Variants in ABTB1 observed in about 807,000 individuals in gnomAD.
ABTB1 encodes the protein ankyrin repeat and BTB/POZ domain-containing protein 1.
ABTB1 carries 45 observed loss-of-function variants against 57.1 expected under a neutral mutation model. That is an observed-to-expected ratio of 0.79 (90% CI 0.62 to 1.01). The LOEUF (loss-of-function observed/expected upper bound fraction) is 1.01. ABTB1 is among the 50% of genes least tolerant of loss of function. The pLI is 0.00. For synonymous variants in ABTB1, 302 were observed against 275.4 expected, an observed-to-expected ratio of 1.10 and a Z score of -0.95; for missense variants, 630 against 666.3, an observed-to-expected ratio of 0.95 and a Z score of 0.60.
chr3:127,677,914 C>T (rs1416964161), intron 10 of ABTB1, 71 bp downstream of exon 10: 1 of 1,545,794 alleles, frequency 6.5e-7, no homozygotes, highest in East Asian at 2.3e-5. Context: ...AGCGCCAGGG[C>T]CCTGGGGGTC....
chr3:127,673,074 C>G lies in ABTB1; in HGVS notation c.49C>G (p.Arg17Gly), dbSNP rs770144146. ...FASCRKGDVG[R>G]VRYLLEQRDV... ...CAGCTGCAGGAAGGGGGATGTGGGC[C>G]GAGTGCGGTGAGGACCTCGCAGTCC... The change falls in exon 1 of 12, where the codon CGA becomes GGA. Residue 17 changes from arginine (R) to glycine (G), a missense_variant. Around this residue, in one of 3 missense-constraint regions of ABTB1, gnomAD observed 579 missense variants for 585.9 expected, o/e 0.99. Coordinates refer to ENST00000232744, the MANE Select transcript of ABTB1 (RefSeq NM_172027.3). The G allele has an allele frequency of 1.3e-6, 2 of 1,572,342 alleles. No individual in the cohort carries two copies. The highest frequency in any genetic ancestry group is 3.5e-5 in the Admixed American group (2 of 56,426).
rs760603319 is a variant in ABTB1, at chr3:127,676,049, A to G, written c.255A>G (p.Leu85=). The change falls in exon 4 of 12, where the codon CTA becomes CTG. Residue 85 remains leucine, a synonymous_variant. Coordinates refer to ENST00000232744, the MANE Select transcript of ABTB1 (RefSeq NM_172027.3). This position sits in a 1 kb window ranked among gnomAD's most constrained non-coding sequence, Gnocchi z 5.4. ...GALSDPIRRA[L]RDYKQVTASC... The stretch of plus-strand genomic sequence containing the variant: ...TGAGTGACCCCATCCGCCGGGCTCT[A>G]CGCGATTACAAGCAGGTCACGGCTT... The G allele has an allele frequency of 1.3e-5, 21 of 1,613,208 alleles. No homozygotes were observed. Among genetic ancestry groups the G allele is most frequent in the Non-Finnish European group, 1.7e-5 (20 of 1,179,982 alleles).
chr3:127,674,382 C>T lies in ABTB1; in HGVS notation c.57-9C>T. The T allele has an allele frequency of 3.7e-6, 6 of 1,605,466 alleles. No homozygotes were observed. Among genetic ancestry groups the T allele is most frequent in the Non-Finnish European group, 5.1e-6 (6 of 1,176,914 alleles). Reference sequence around the variant, plus strand: ...TCCTGACCCAGGCTCTGACCTCCTTCCTGCCCAGGTACCTGCTGGAGCAGC... The same window carrying T: ...TCCTGACCCAGGCTCTGACCTCCTTTCTGCCCAGGTACCTGCTGGAGCAGC... On this transcript the variant is annotated splice_polypyrimidine_tract_variant and intron_variant, in intron 1 of 11. Coordinates refer to ENST00000232744, the MANE Select transcript of ABTB1 (RefSeq NM_172027.3).
intron 3 of ABTB1, among the ~76,000 whole-genome samples, chr3:127,675,065 T>C (rs141527868): frequency 6.6e-6 from 1 of 152,058 alleles, no homozygotes; most frequent in Non-Finnish European, 1.5e-5. Flanking sequence ...TCGCTGGGGC[T>C]CCACTGTGCT....
At chr3:127,677,926 G>A (rs1458248429) in intron 10 of ABTB1, 83 bp downstream of exon 10, 3 of 1,511,974 alleles carry the variant, frequency 2.0e-6, no homozygotes, top group Admixed American at 1.9e-5. Context: ...CTGGGGGTCT[G>A]TGGAAGGGCC....
chr3:127,676,257 C>A lies in ABTB1; in HGVS notation c.321-15C>A. 1 of 1,610,736 alleles carries A rather than the reference C, an allele frequency of 6.2e-7. No homozygotes were observed. The highest frequency in any genetic ancestry group is 8.5e-7 in the Non-Finnish European group (1 of 1,177,734). ...CTGTGCCAAGTATCCTCCCTCCTGG[C>A]TTGTCCCTCCCCAGGCTTCTAGAGC... On this transcript the variant is annotated splice_polypyrimidine_tract_variant and intron_variant, in intron 4 of 11. Coordinates refer to ENST00000232744, the MANE Select transcript of ABTB1 (RefSeq NM_172027.3). The surrounding 1 kb of genome is among the most constrained non-coding windows in gnomAD (Gnocchi z 5.4).
rs368943016 is a variant in ABTB1 at position 127,680,264 on chromosome 3, C to G, written c.1231-5C>G. 1 of 1,613,434 alleles carries G rather than the reference C, an allele frequency of 6.2e-7. No individual in the cohort carries two copies. Among genetic ancestry groups the G allele is most frequent in the Non-Finnish European group, 8.5e-7 (1 of 1,179,834 alleles). On this transcript the variant is annotated splice_region_variant and splice_polypyrimidine_tract_variant and intron_variant, in intron 11 of 11. Transcript: ENST00000232744. ...CTCCACTGAGCTGGCCCTTCCCGCT[C>G]ATAGCTGGTGGAGCGGGAGGACTTC...
At chr3:127,675,755 A>G in intron 3 of ABTB1, 1 of 609,932 alleles carries the variant, frequency 1.6e-6, no homozygotes, top group Non-Finnish European at 2.9e-6. Context: ...CTTCCGTGTG[A>G]GTGAGTATGT....
rs1489935708 is a variant in ABTB1, at chr3:127,673,100, CG to C, written c.56+23del. 3.9e-6 allele frequency: 6 copies of C among 1,538,230 alleles called. No homozygotes were observed. The highest frequency in any genetic ancestry group is 2.7e-5 in the East Asian group (1 of 37,448). ...GAGTGCGGTGAGGACCTCGCAGTCCCGGGGAGGGTGCGGGAGGTGGCCGCCC... is the reference window on the plus strand; with the variant it reads ...GAGTGCGGTGAGGACCTCGCAGTCCCGGGAGGGTGCGGGAGGTGGCCGCCC... On this transcript the variant is annotated intron_variant, in intron 1 of 11. Transcript: ENST00000232744.
rs748927055 is a variant in ABTB1 at position 127,672,997 on chromosome 3, C to T, written c.-29C>T. The T allele has an allele frequency of 6.5e-6, 10 of 1,543,036 alleles. No homozygotes were observed. The highest frequency in any genetic ancestry group is 4.7e-5 in the South Asian group (4 of 84,484). On this transcript the variant is annotated 5_prime_UTR_variant, in exon 1 of 12. Transcript: ENST00000232744. ...GGTGCGCGGCTTCGCCGCCCGAGGTCGTTCGGCTCGGGTACCATCCTCCGC... is the reference window on the plus strand; with the variant it reads ...GGTGCGCGGCTTCGCCGCCCGAGGTTGTTCGGCTCGGGTACCATCCTCCGC...
chr3:127,677,434 C>T (rs1362517100), intron 8 of ABTB1, 31 bp from the exon 9 acceptor site: 26 of 1,610,792 alleles, frequency 1.6e-5, no homozygotes, highest in Non-Finnish European at 2.2e-5. Flanking sequence ...TGAACAACTG[C>T]TCTGATGGGG....
chr3:127,680,170 C>G lies in ABTB1; in HGVS notation c.1215C>G (p.Ala405=), dbSNP rs1437438218. ...RLEDQCTEYM[A]KVIEKLVERE... ...AGGACCAGTGCACTGAGTACATGGCCAAGGTCATTGAGAAGGTGGGCCAGT... is the reference window on the plus strand; with the variant it reads ...AGGACCAGTGCACTGAGTACATGGCGAAGGTCATTGAGAAGGTGGGCCAGT... The change falls in exon 11 of 12, where the codon GCC becomes GCG. Residue 405 remains alanine (A), a synonymous_variant. Transcript: ENST00000232744. 2 of 1,613,894 alleles carry G rather than the reference C, an allele frequency of 1.2e-6. No homozygotes were observed. Among genetic ancestry groups the G allele is most frequent in the East Asian group, 2.2e-5 (1 of 44,882 alleles).
chr3:127,675,966 C>A lies in ABTB1; in HGVS notation c.176-4C>A. ...TGCTAACTGGTGAGCCCTGCCTCCC[C>A]CAGGAGCCCGCTGCGAGGCCAACAC... On this transcript the variant is annotated splice_region_variant and splice_polypyrimidine_tract_variant and intron_variant, in intron 3 of 11. Transcript: ENST00000232744. 2 of 1,604,270 alleles carry A rather than the reference C, an allele frequency of 1.2e-6. No homozygotes were observed. The highest frequency in any genetic ancestry group is 1.1e-5 in the South Asian group (1 of 90,844).
At chr3:127,678,004 T>C (rs1360144057) in intron 10 of ABTB1, 161 bp downstream of exon 10, 3 of 950,846 alleles carry the variant, frequency 3.2e-6, no homozygotes, top group African/African-American at 3.3e-5. Flanking sequence ...GGATTTTTCT[T>C]TCAGGTAGAG....
In ABTB1 at chr3:127,677,717, G is replaced by C; in HGVS notation, c.903G>C (p.Leu301=). ...GCAGTGACTACTTCCGAGCCCTGCTGGATGACCACTTCCGAGAGAGCGAGG... is the reference window on the plus strand; with the variant it reads ...GCAGTGACTACTTCCGAGCCCTGCTCGATGACCACTTCCGAGAGAGCGAGG... The part of the protein sequence containing the change: ...CGRSDYFRAL[L]DDHFRESEEP... The change falls in exon 10 of 12, where the codon CTG becomes CTC. Residue 301 remains leucine (L), a synonymous_variant. Coordinates refer to ENST00000232744, the MANE Select transcript of ABTB1 (RefSeq NM_172027.3). 6.2e-7 allele frequency: 1 copy of C among 1,609,672 alleles called. No homozygotes were observed.
chr3:127,678,201 G>GC (rs1430236601), intron 10 of ABTB1: 1 of 262,234 alleles, frequency 3.8e-6, no homozygotes, highest in Non-Finnish European at 7.5e-6. Context: ...TTCCCTTGCT[G>GC]CCTGCCTCTG....
chr3:127,675,973 C>T lies in ABTB1; in HGVS notation c.179C>T (p.Ala60Val). Residue 60 changes from alanine to valine, a missense_variant, in exon 4 of 12, where the codon GCC becomes GTC. Physicochemically the swap from Ala to Val is moderately conservative, Grantham distance 64 (BLOSUM62 0). Transcript: ENST00000232744. The stretch of plus-strand genomic sequence containing the variant: ...TGGTGAGCCCTGCCTCCCCCAGGAG[C>T]CCGCTGCGAGGCCAACACCTTCGAT... ...ELVLYLLANG[A>V]RCEANTFDGE... is the part of the protein sequence containing the mutation. The T allele has an allele frequency of 1.2e-6, 2 of 1,605,796 alleles. No individual in the cohort carries two copies. Among genetic ancestry groups the T allele is most frequent in the Non-Finnish European group, 1.7e-6 (2 of 1,174,628 alleles).
Position 127,676,153 on chromosome 3 carries a change from G to C in ABTB1, c.320+39G>C. ...CACGAGGGGTGCAGCATGGGGTGCGGTGGCCCTGGTGGGTGTGGCGAGTCT... is the reference window on the plus strand; with the variant it reads ...CACGAGGGGTGCAGCATGGGGTGCGCTGGCCCTGGTGGGTGTGGCGAGTCT... On this transcript the variant is annotated intron_variant, in intron 4 of 11. Transcript: ENST00000232744. This position sits in a 1 kb window ranked among gnomAD's most constrained non-coding sequence, Gnocchi z 5.4. The C allele has an allele frequency of 6.2e-7, 1 of 1,608,958 alleles. No homozygotes were observed. Among genetic ancestry groups the C allele is most frequent in the South Asian group, 1.1e-5 (1 of 90,994 alleles).
intron 1 of ABTB1, 32 bp downstream of exon 1, chr3:127,673,113 G>A: frequency 6.6e-7 from 1 of 1,509,764 alleles, no homozygotes; most frequent in Non-Finnish European, 8.9e-7. Flanking sequence ...GGAGGGTGCG[G>A]GAGGTGGCCG....
Sources: gnomAD v4.1 joint callset for allele counts (sites outside exome capture counted in the v4.1 genomes callset) on GRCh38, gnomAD v4.1.1 for gene constraint, gnomAD v4.1.1 regional missense constraint, Gnocchi (gnomAD v3.1) non-coding constraint, MANE v1.5 for transcripts, NCBI Gene and HGNC (gene_info 2026-07-23, HGNC 2026-07-21) for gene names.